Variants in ADGRD1 observed in about 807,000 individuals in gnomAD.
The protein encoded by ADGRD1 is G-protein coupled receptor 133.
ADGRD1 carries 77 observed loss-of-function variants against 113.4 expected under a neutral mutation model. The ratio of observed to expected loss-of-function variants is 0.68; its 90% CI spans 0.57 to 0.82. The LOEUF (loss-of-function observed/expected upper bound fraction) is 0.82, where lower values mean the gene tolerates loss of function less well. Among genes scored for constraint, ADGRD1 ranks in the 40% least tolerant of loss-of-function variants. The pLI is 0.00. For missense variants in ADGRD1, 1,036 were observed against 1,139.1 expected, an observed-to-expected ratio of 0.91 and a Z score of 1.30; for synonymous variants, 474 against 475.0, an observed-to-expected ratio of 1.00 and a Z score of 0.03.
At position 131,140,526 on chromosome 12, in the gene ADGRD1, C is replaced by T. The variant is rs1369868240; in HGVS notation, c.*1263C>T. The stretch of plus-strand genomic sequence containing the variant: ...TGTGAGGTTCATACTGTGCTGATAG[C>T]ACTCGTGGTGTCTGTGAAATGTGGG... On this transcript the variant is annotated 3_prime_UTR_variant, in exon 25 of 25. Transcript: ENST00000261654. The T allele has an allele frequency of 6.6e-6, 1 of 151,976 alleles. No individual in the cohort carries two copies. Among genetic ancestry groups the T allele is most frequent in the Non-Finnish European group, 1.5e-5 (1 of 68,024 alleles). The allele number at this position is 151,976 out of a possible 1,614,324, so 9.4% of individuals were successfully genotyped here.
chr12:131,028,344 G>C (rs987403730), intron 13 of ADGRD1, among the ~76,000 whole-genome samples: 1 of 152,090 alleles, frequency 6.6e-6, no homozygotes, highest in African/African-American at 2.4e-5. Context: ...TGTATTTTGA[G>C]TATGAGTCAT....
chr12:131,120,804 T>G (rs1593248826), intron 19 of ADGRD1, 43 bp from the exon 20 acceptor site: 4 of 1,605,274 alleles, frequency 2.5e-6, no homozygotes, highest in Non-Finnish European at 3.4e-6. Context: ...CGCTGGCAGG[T>G]GGAACGAGGT....
intron 2 of ADGRD1, among the ~76,000 whole-genome samples, chr12:130,964,763 T>G (rs1870820644): frequency 6.6e-6 from 1 of 152,258 alleles, no homozygotes; most frequent in Non-Finnish European, 1.5e-5. Context: ...TAGGCATCTT[T>G]GTGGATTTTT....
Position 131,084,515 on chromosome 12 carries a change from C to G in ADGRD1, c.1548-25C>G, listed in dbSNP as rs1252178512. ...TGCCAAGGGTGCGGTGCTACCTCCT[C>G]TGATCCTTTCTCCTGTGTCCTCAGC... On this transcript the variant is annotated intron_variant, in intron 14 of 24. Coordinates refer to ENST00000261654, the MANE Select transcript of ADGRD1 (RefSeq NM_198827.5). This position sits in a 1 kb window ranked among gnomAD's most constrained non-coding sequence, Gnocchi z 4.5. The G allele has an allele frequency of 1.2e-6, 2 of 1,613,866 alleles. No homozygotes were observed. Among genetic ancestry groups the G allele is most frequent in the Non-Finnish European group, 1.7e-6 (2 of 1,179,980 alleles).
At chr12:131,127,710 T>G (rs543847615) in intron 20 of ADGRD1, among the ~76,000 whole-genome samples, 1 of 137,778 alleles carries the variant, frequency 7.3e-6, no homozygotes, top group African/African-American at 2.7e-5. Flanking sequence ...GTGATGGGAC[T>G]CTGAGCTCAG....
In ADGRD1 at chr12:130,984,367, C is replaced by T. The variant is rs1039090432; in HGVS notation, c.490+2304C>T. On this transcript the variant is annotated intron_variant, in intron 5 of 24. Coordinates refer to ENST00000261654, the MANE Select transcript of ADGRD1 (RefSeq NM_198827.5). This position sits in a 1 kb window ranked among gnomAD's most constrained non-coding sequence, Gnocchi z 4.1. ...CGCACTGCAGTCAGCACAGAAGCCA[C>T]GTCCTCAGGGAAAGCTCGTTACTGT... Among the ~76,000 whole-genome samples the T allele has an allele frequency of 2.6e-5, 4 of 152,188 alleles. No homozygotes were observed. The highest frequency in any genetic ancestry group is 7.2e-5 in the African/African-American group (3 of 41,446).
chr12:131,057,340 C>T lies in ADGRD1; in HGVS notation c.1474-19461C>T, dbSNP rs570180523. ...GACCAGAGAATGCTTGGAAGGGGAA[C>T]GGTGGAGAAAAGGGGCCAGATGGCA... On this transcript the variant is annotated intron_variant, in intron 13 of 24. Transcript: ENST00000261654. This position sits in a 1 kb window ranked among gnomAD's most constrained non-coding sequence, Gnocchi z 4.2. 7.2e-5 allele frequency among the ~76,000 whole-genome samples: 11 copies of T among 152,094 alleles called. No individual in the cohort carries two copies. Among genetic ancestry groups the T allele is most frequent in the African/African-American group, 2.7e-4 (11 of 41,410 alleles).
chr12:131,119,192 T>G (rs187305621), intron 19 of ADGRD1, among the ~76,000 whole-genome samples: 2 of 152,330 alleles, frequency 1.3e-5, no homozygotes, highest in Admixed American at 6.5e-5. Flanking sequence ...TGACGGTGCT[T>G]ACAAACAGAA....
At chr12:131,021,451 C>T (rs117197537) in intron 13 of ADGRD1, among the ~76,000 whole-genome samples, 824 of 152,232 alleles carry the variant, frequency 5.4e-3, no homozygotes, top group Non-Finnish European at 8.2e-3. Context: ...CTGATTAGGC[C>T]GATGCTGTGC....
chr12:131,065,450 G>T (rs1203915239), intron 13 of ADGRD1, among the ~76,000 whole-genome samples: 1 of 152,190 alleles, frequency 6.6e-6, no homozygotes, highest in Admixed American at 6.5e-5. Context: ...GCAGTGCCAG[G>T]ACCCCACTCC....
At chr12:131,018,324 A>C (rs897177448) in intron 13 of ADGRD1, among the ~76,000 whole-genome samples, 6 of 152,052 alleles carry the variant, frequency 3.9e-5, no homozygotes, top group Admixed American at 1.3e-4. Flanking sequence ...CTGACCCTTC[A>C]CGCCGGGATG....
At chr12:130,976,720 T>A (rs1370476901) in intron 4 of ADGRD1, 1 of 152,082 alleles carries the variant, frequency 6.6e-6, no homozygotes, top group Non-Finnish European at 1.5e-5. Flanking sequence ...GTTTTTCTTT[T>A]AAAATTAACA....
intron 23 of ADGRD1, chr12:131,137,721 G>A: frequency 3.7e-6 from 1 of 269,068 alleles, no homozygotes; most frequent in Non-Finnish European, 7.3e-6. Flanking sequence ...TGATCACAAA[G>A]CCCAGTGACC....
In ADGRD1 at chr12:130,979,815, TCTCACACACA is replaced by T. The variant is rs1243771528; in HGVS notation, c.311-2067_311-2058del. On this transcript the variant is annotated intron_variant, in intron 4 of 24. Coordinates refer to ENST00000261654, the MANE Select transcript of ADGRD1 (RefSeq NM_198827.5). Reference sequence around the variant, plus strand: ...GCAGAATCCAGACAGGCAGCTAGTGTCTCACACACACACACACACACACACACACACACAC... The same window carrying T: ...GCAGAATCCAGACAGGCAGCTAGTGTCACACACACACACACACACACACAC... 4.5e-3 allele frequency among the ~76,000 whole-genome samples: 629 copies of T among 139,734 alleles called. 6 individuals are homozygous for T. Among genetic ancestry groups the T allele is most frequent in the South Asian group, 0.012 (53 of 4,394 alleles). The allele number at this position is 139,734 out of a possible 152,430, so 91.7% of individuals were successfully genotyped here.
At chr12:131,119,971 G>A (rs1000350987) in intron 19 of ADGRD1, among the ~76,000 whole-genome samples, 1 of 152,132 alleles carries the variant, frequency 6.6e-6, no homozygotes, top group African/African-American at 2.4e-5. Context: ...GCTATTTAGG[G>A]CTCAGATTCC....
In ADGRD1 at chr12:131,053,373, G is replaced by A. The variant is rs774329538; in HGVS notation, c.1474-23428G>A. On this transcript the variant is annotated intron_variant, in intron 13 of 24. Coordinates refer to ENST00000261654, the MANE Select transcript of ADGRD1 (RefSeq NM_198827.5). ...TTTTCTTGGAAACCCGTCTTCATTC[G>A]ATCAAGGCTGCTTAATTCTGCTGAA... is the stretch of plus-strand genomic sequence containing the variant. Among the ~76,000 whole-genome samples the A allele has an allele frequency of 4.6e-5, 7 of 152,324 alleles. No individual in the cohort carries two copies. In the South Asian group the frequency reaches 8.3e-4, roughly 18 times the overall value.
intron 20 of ADGRD1, among the ~76,000 whole-genome samples, chr12:131,123,673 T>A (rs960030350): frequency 6.6e-6 from 1 of 151,766 alleles, no homozygotes; most frequent in African/African-American, 2.4e-5. Context: ...TACAAAAAAA[T>A]TAGCTGGGCG....
chr12:130,955,809 G>A (rs1005304792), intron 2 of ADGRD1, among the ~76,000 whole-genome samples: 6 of 151,906 alleles, frequency 3.9e-5, no homozygotes, highest in Non-Finnish European at 1.5e-5. Flanking sequence ...TTGAGACAAA[G>A]TCTCACTCTG....
At position 131,017,201 on chromosome 12, in the gene ADGRD1, ACACATG is replaced by A. The variant is rs574093083; in HGVS notation, c.1473+2878_1473+2883del. On this transcript the variant is annotated intron_variant, in intron 13 of 24. Coordinates refer to ENST00000261654, the MANE Select transcript of ADGRD1 (RefSeq NM_198827.5). Reference sequence around the variant, plus strand: ...ACAGCATACATGCACACGCATACACACACATGCACATGCACATGCACACAGTCCACA... The same window carrying A: ...ACAGCATACATGCACACGCATACACACACATGCACATGCACACAGTCCACA... Among the ~76,000 whole-genome samples the A allele has an allele frequency of 6.0e-3, 906 of 151,962 alleles. 8 individuals are homozygous for A. The highest frequency in any genetic ancestry group is 6.9e-3 in the Non-Finnish European group (465 of 67,878).
Sources: allele counts gnomAD v4.1 joint callset (sites outside exome capture counted in the v4.1 genomes callset), GRCh38; gene constraint gnomAD v4.1.1; non-coding constraint Gnocchi (gnomAD v3.1); transcripts MANE v1.5; gene names NCBI Gene and HGNC (gene_info 2026-07-23, HGNC 2026-07-21).